DROSHA: variants seen among roughly 807,000 people sequenced by gnomAD.
DROSHA encodes ribonuclease 3.
Under a neutral mutation model 181.9 loss-of-function variants are expected in DROSHA, and 56 were observed. That is an observed-to-expected ratio of 0.31 (90% CI 0.25 to 0.38). The LOEUF is 0.38. DROSHA is among the 10% of genes least tolerant of loss of function. The pLI, the probability that DROSHA is intolerant of heterozygous loss-of-function variation, is 1.00. For synonymous variants in DROSHA, 524 were observed against 591.2 expected (o/e 0.89, Z 1.65); for missense variants, 1,218 against 1,743.5 (o/e 0.70, Z 5.37).
rs1738284298 is a variant in DROSHA, at chr5:31,508,679, C to T, written c.1529G>A (p.Arg510His). The change falls in exon 10 of 36, where the codon CGC becomes CAC. Residue 510 changes from arginine to histidine, a missense_variant. Coordinates refer to ENST00000344624, the MANE Select transcript of DROSHA (RefSeq NM_001382508.1). ...EVFDVIAEIK[R>H]KKAHPDRLHD... is the part of the protein sequence containing the mutation. ...AAGTCGGTCAGGGTGGGCCTTTTTGCGTTTGATTTCTGCAATAACGTCAAA... is the reference window on the plus strand; with the variant it reads ...AAGTCGGTCAGGGTGGGCCTTTTTGTGTTTGATTTCTGCAATAACGTCAAA... The T allele has an allele frequency of 8.1e-6, 13 of 1,613,836 alleles. No individual in the cohort carries two copies. The highest frequency in any genetic ancestry group is 2.2e-5 in the East Asian group (1 of 44,866).
intron 6 of DROSHA, among the ~76,000 whole-genome samples, chr5:31,517,880 AC>A (rs1228048591): frequency 6.6e-6 from 1 of 152,218 alleles, no homozygotes. Context: ...AACCTGGGCA[AC>A]ATAGCGAGAT....
At chr5:31,476,863 G>C (rs1177227873) in intron 16 of DROSHA, among the ~76,000 whole-genome samples, 2 of 152,134 alleles carry the variant, frequency 1.3e-5, no homozygotes, top group Non-Finnish European at 2.9e-5. Context: ...CTAATAACTT[G>C]GCCACTCGCA....
chr5:31,507,310 A>G (rs1738091312), intron 10 of DROSHA, among the ~76,000 whole-genome samples: 1 of 152,004 alleles, frequency 6.6e-6, no homozygotes, highest in African/African-American at 2.4e-5. Flanking sequence ...AAAATACAAA[A>G]TTGGCCAGGC....
intron 6 of DROSHA, among the ~76,000 whole-genome samples, chr5:31,516,812 CTTTTA>C: frequency 6.6e-6 from 1 of 152,154 alleles, no homozygotes; most frequent in Non-Finnish European, 1.5e-5. Flanking sequence ...CATTATTATT[CTTTTA>C]TATGTATATA....
intron 27 of DROSHA, 106 bp from the exon 28 acceptor site, chr5:31,424,577 G>T: frequency 7.3e-7 from 1 of 1,360,874 alleles, no homozygotes. Context: ...TTCAGACACT[G>T]ACTCCACTTA....
intron 17 of DROSHA, 52 bp downstream of exon 17, chr5:31,472,011 A>T (rs902627837): frequency 2.0e-5 from 30 of 1,494,008 alleles, no homozygotes; most frequent in Admixed American, 4.1e-5. Context: ...AAACATTCAG[A>T]TCTGGAAAAG....
chr5:31,484,213 T>C (rs1301114066), intron 15 of DROSHA, among the ~76,000 whole-genome samples: 1 of 150,782 alleles, frequency 6.6e-6, no homozygotes, highest in Non-Finnish European at 1.5e-5. Flanking sequence ...CTACTAAAAA[T>C]ACAAAAAAAA....
intron 17 of DROSHA, among the ~76,000 whole-genome samples, chr5:31,471,383 A>AAAC (rs1749702154): frequency 6.6e-6 from 1 of 152,144 alleles, no homozygotes; most frequent in Admixed American, 6.5e-5. Flanking sequence ...CAGTAACACT[A>AAAC]ATTTAGAAGA....
At chr5:31,491,633 G>A (rs1475219123) in intron 13 of DROSHA, among the ~76,000 whole-genome samples, 1 of 151,076 alleles carries the variant, frequency 6.6e-6, no homozygotes, top group Non-Finnish European at 1.5e-5. Flanking sequence ...GTGGGGGGTG[G>A]AGAGTAATCA....
intron 25 of DROSHA, among the ~76,000 whole-genome samples, chr5:31,431,941 G>A (rs1319691958): frequency 6.6e-6 from 1 of 152,108 alleles, no homozygotes; most frequent in East Asian, 1.9e-4. Context: ...GAATTGATCA[G>A]ATCTGAACTT....
chr5:31,410,305 AGAC>A (rs2149987819), intron 31 of DROSHA, among the ~76,000 whole-genome samples: 1 of 152,358 alleles, frequency 6.6e-6, no homozygotes, highest in Middle Eastern at 3.4e-3. Context: ...AAACTGCAAA[AGAC>A]GACATTTGTC....
At chr5:31,408,998 A>G in intron 33 of DROSHA, 58 bp downstream of exon 33, 1 of 1,514,424 alleles carries the variant, frequency 6.6e-7, no homozygotes, top group Non-Finnish European at 9.1e-7. Flanking sequence ...AGGCACATGG[A>G]AAGTCAATTT....
intron 16 of DROSHA, among the ~76,000 whole-genome samples, chr5:31,477,733 C>T (rs958349485): frequency 1.3e-5 from 2 of 152,166 alleles, no homozygotes; most frequent in Non-Finnish European, 2.9e-5. Flanking sequence ...TCTTGAATCA[C>T]GACCTACCTT....
intron 7 of DROSHA, 96 bp downstream of exon 7, chr5:31,515,358 A>C: frequency 9.2e-7 from 1 of 1,088,100 alleles, no homozygotes; most frequent in Non-Finnish European, 1.3e-6. Context: ...TTGTTAAACC[A>C]GTGACTCCCA....
chr5:31,435,276 C>T (rs1744654759), intron 25 of DROSHA, among the ~76,000 whole-genome samples: 1 of 152,142 alleles, frequency 6.6e-6, no homozygotes, highest in African/African-American at 2.4e-5. Context: ...ACAGCCTAAA[C>T]CCTAAATCTT....
chr5:31,523,866 T>A (rs1740195558), intron 5 of DROSHA, among the ~76,000 whole-genome samples: 1 of 150,370 alleles, frequency 6.7e-6, no homozygotes, highest in Non-Finnish European at 1.5e-5. Context: ...TCCCAGCTAC[T>A]CAGGAGGCTG....
intron 30 of DROSHA, among the ~76,000 whole-genome samples, chr5:31,420,430 T>C (rs1742524351): frequency 6.6e-6 from 1 of 152,228 alleles, no homozygotes; most frequent in African/African-American, 2.4e-5. Flanking sequence ...TTTCAGGATA[T>C]TATTGATTGG....
intron 11 of DROSHA, among the ~76,000 whole-genome samples, chr5:31,501,919 T>C (rs1753616584): frequency 6.6e-6 from 1 of 152,136 alleles, no homozygotes; most frequent in Admixed American, 6.5e-5. Context: ...CTAGAGACCT[T>C]GGTAAAATGC....
At chr5:31,516,123 G>A (rs1001801108) in intron 6 of DROSHA, among the ~76,000 whole-genome samples, 1 of 152,146 alleles carries the variant, frequency 6.6e-6, no homozygotes, top group African/African-American at 2.4e-5. Flanking sequence ...AGGCATGTTG[G>A]TGCACACCTG....
Sources: allele counts gnomAD v4.1 joint callset (sites outside exome capture counted in the v4.1 genomes callset), GRCh38; gene constraint gnomAD v4.1.1; transcripts MANE v1.5; gene names NCBI Gene and HGNC (gene_info 2026-07-23, HGNC 2026-07-21).